Variants in FRMPD2 observed in about 807,000 individuals in gnomAD.
FRMPD2 encodes the protein FERM and PDZ domain-containing protein 2.
In FRMPD2, 96 loss-of-function variants were observed where a neutral mutation model predicts 140.1. The ratio of observed to expected loss-of-function variants is 0.69; its 90% CI spans 0.58 to 0.81. The LOEUF (loss-of-function observed/expected upper bound fraction) is 0.81. Among genes scored for constraint, FRMPD2 ranks in the 40% least tolerant of loss-of-function variants. The pLI is 0.00. For missense variants in FRMPD2, 1,240 were observed against 1,447.4 expected, an observed-to-expected ratio of 0.86 and a Z score of 2.32; for synonymous variants, 449 against 547.6, an observed-to-expected ratio of 0.82 and a Z score of 2.52.
intron 2 of FRMPD2, among the ~76,000 whole-genome samples, chr10:48,250,946 G>A (rs1006772360): frequency 1.3e-5 from 2 of 149,512 alleles, no homozygotes; most frequent in South Asian, 2.1e-4. Flanking sequence ...ACAGGCGAGC[G>A]CAACCATACC....
intron 1 of FRMPD2, among the ~76,000 whole-genome samples, chr10:48,264,144 A>G (rs1840642294): frequency 6.6e-6 from 1 of 151,926 alleles, no homozygotes; most frequent in African/African-American, 2.4e-5. Context: ...TCTTCGACTT[A>G]ATCTTTTTAA....
chr10:48,208,706 G>A (rs139612308), intron 13 of FRMPD2, among the ~76,000 whole-genome samples: 2 of 152,254 alleles, frequency 1.3e-5, no homozygotes, highest in East Asian at 3.9e-4. Flanking sequence ...CTGCTAGGGA[G>A]TCTCCTAGGA....
intron 25 of FRMPD2, among the ~76,000 whole-genome samples, 160 bp downstream of exon 25, chr10:48,172,786 C>A (rs2132407527): frequency 6.6e-6 from 1 of 152,316 alleles, no homozygotes; most frequent in East Asian, 1.9e-4. Flanking sequence ...ATGAGATGGG[C>A]TTCCATGGCA....
At chr10:48,224,599 G>A (rs564578501) in intron 10 of FRMPD2, among the ~76,000 whole-genome samples, 1 of 152,272 alleles carries the variant, frequency 6.6e-6, no homozygotes, top group African/African-American at 2.4e-5. Flanking sequence ...TTCTCCCCAA[G>A]AGATAGGCAG....
chr10:48,272,439 C>A (rs112739964), intron 1 of FRMPD2, among the ~76,000 whole-genome samples: 4,602 of 152,212 alleles, frequency 0.03, 244 homozygotes, highest in African/African-American at 0.1. Flanking sequence ...TGAAACTCAC[C>A]ATTTCCAAAT....
At chr10:48,270,103 G>A (rs752389296) in intron 1 of FRMPD2, among the ~76,000 whole-genome samples, 1 of 152,196 alleles carries the variant, frequency 6.6e-6, no homozygotes, top group Non-Finnish European at 1.5e-5. Context: ...AGGTAATTGA[G>A]AAAGTGAGAC....
intron 1 of FRMPD2, among the ~76,000 whole-genome samples, chr10:48,259,635 AGTGTGTGTGTGT>A (rs144847579): frequency 6.7e-6 from 1 of 148,408 alleles, no homozygotes; most frequent in Admixed American, 6.7e-5. Flanking sequence ...TGTGTGTGTA[AGTGTGTGTGTGT>A]GTGTGTGTGT....
At chr10:48,222,779 A>C (rs11594677) in intron 11 of FRMPD2, among the ~76,000 whole-genome samples, 24,280 of 152,140 alleles carry the variant, frequency 0.16, 2,005 homozygotes, top group Non-Finnish European at 0.17. Flanking sequence ...TCAAACTGCA[A>C]ACCCATGTCT....
chr10:48,158,519 G>A (rs1837849088), intron 28 of FRMPD2, among the ~76,000 whole-genome samples: 2 of 147,562 alleles, frequency 1.4e-5, no homozygotes, highest in Admixed American at 6.8e-5. Flanking sequence ...TGGGTAAAGA[G>A]GTGGAGTTCT....
intron 1 of FRMPD2, among the ~76,000 whole-genome samples, chr10:48,252,794 T>C (rs1840415168): frequency 6.6e-6 from 1 of 152,226 alleles, no homozygotes; most frequent in South Asian, 2.1e-4. Flanking sequence ...AGGAAATAAG[T>C]CCAAGGTAAT....
chr10:48,185,912 T>C lies in FRMPD2; in HGVS notation c.2267-267A>G, dbSNP rs116668985. Reference sequence around the variant, plus strand: ...GCAGAGGCAAGAACAGGATGGGCTATGGTGCTTGTTTTCTGTATGACTTAC... The same window carrying C: ...GCAGAGGCAAGAACAGGATGGGCTACGGTGCTTGTTTTCTGTATGACTTAC... On this transcript the variant is annotated intron_variant, in intron 17 of 28. Transcript: ENST00000374201. Among the ~76,000 whole-genome samples the C allele has an allele frequency of 2.0e-3, 305 of 152,374 alleles. 1 individual carries two copies. The highest frequency in any genetic ancestry group is 6.7e-3 in the African/African-American group (278 of 41,588).
intron 16 of FRMPD2, among the ~76,000 whole-genome samples, chr10:48,187,786 C>T (rs1838723997): frequency 6.6e-6 from 1 of 152,198 alleles, no homozygotes; most frequent in Admixed American, 6.5e-5. Context: ...ACCACATGCT[C>T]GAGAGCTGCA....
At chr10:48,193,194 G>C (rs555785676) in intron 15 of FRMPD2, among the ~76,000 whole-genome samples, 1 of 152,330 alleles carries the variant, frequency 6.6e-6, no homozygotes, top group South Asian at 2.1e-4. Flanking sequence ...AGTATTTGCG[G>C]GTGTGTCGGG....
intron 15 of FRMPD2, among the ~76,000 whole-genome samples, chr10:48,193,222 G>C (rs767248915): frequency 1.8e-4 from 27 of 152,216 alleles, no homozygotes; most frequent in Non-Finnish European, 3.7e-4. Flanking sequence ...CGAGCCTCCT[G>C]CGAAATCAGC....
At position 48,187,278 on chromosome 10, in the gene FRMPD2, C is replaced by T. The variant is rs142488456; in HGVS notation, c.2180G>A (p.Arg727Gln). The T allele has an allele frequency of 5.0e-6, 8 of 1,613,856 alleles. No individual in the cohort carries two copies. The highest frequency in any genetic ancestry group is 3.3e-5 in the South Asian group (3 of 91,050). Residue 727 changes from arginine to glutamine, a missense_variant, in exon 17 of 29, where the codon CGG becomes CAG. Arg to Gln is a conservative substitution (Grantham distance 43). Around this residue, in one of 6 missense-constraint regions of FRMPD2, gnomAD observed 1,161 missense variants for 1,055.9 expected, o/e 1.10. Coordinates refer to ENST00000374201, the MANE Select transcript of FRMPD2 (RefSeq NM_001018071.4). ...CACACAGGCACTCTTCAGCTGCTCC[C>T]GGCCAGTGCAGGGGCTGCCGGGAAA... ...EGIGRSPCTG[R>Q]EQLKSACVIQ... is the part of the protein sequence containing the mutation.
chr10:48,271,893 C>T (rs1339791652), intron 1 of FRMPD2, among the ~76,000 whole-genome samples: 1 of 152,190 alleles, frequency 6.6e-6, no homozygotes, highest in African/African-American at 2.4e-5. Flanking sequence ...TCGTTTATAC[C>T]ATGAGTTATT....
chr10:48,210,639 C>T (rs1251146359), intron 13 of FRMPD2, among the ~76,000 whole-genome samples: 5 of 152,196 alleles, frequency 3.3e-5, no homozygotes, highest in African/African-American at 1.2e-4. Flanking sequence ...GGGAATGCTT[C>T]GTCCCCTTGA....
chr10:48,202,651 AG>A (rs1247720902), intron 14 of FRMPD2, among the ~76,000 whole-genome samples: 5 of 152,362 alleles, frequency 3.3e-5, no homozygotes, highest in Admixed American at 6.5e-5. Context: ...ATTCTTCTTT[AG>A]TACTCAACTG....
chr10:48,267,750 T>C (rs1234257356), intron 1 of FRMPD2, among the ~76,000 whole-genome samples: 4 of 152,192 alleles, frequency 2.6e-5, no homozygotes, highest in African/African-American at 7.2e-5. Flanking sequence ...TCAGTGTCGA[T>C]CAAGGGATGA....
Sources: allele counts gnomAD v4.1 joint callset (sites outside exome capture counted in the v4.1 genomes callset), GRCh38; gene constraint gnomAD v4.1.1; regional missense constraint gnomAD v4.1.1; transcripts MANE v1.5; gene names NCBI Gene and HGNC (gene_info 2026-07-23, HGNC 2026-07-21).